Variants in PTPA observed in about 807,000 individuals in gnomAD.
The protein encoded by PTPA is protein phosphatase 2 phosphatase activator, also known as serine/threonine-protein phosphatase 2A activator.
In PTPA, 13 loss-of-function variants were observed where a neutral mutation model predicts 43.6. That is an observed-to-expected ratio of 0.30 (90% CI 0.19 to 0.47). The LOEUF (loss-of-function observed/expected upper bound fraction) is 0.47, where lower values mean the gene tolerates loss of function less well. PTPA is among the 20% of genes least tolerant of loss of function. The probability of loss-of-function intolerance (pLI) is 0.99; values close to 1 mark genes in which losing one functional copy is unlikely to be tolerated. For missense variants in PTPA, 329 were observed against 411.9 expected, an observed-to-expected ratio of 0.80 and a Z score of 1.74; for synonymous variants, 172 against 158.2, an observed-to-expected ratio of 1.09 and a Z score of -0.66.
At chr9:129,128,798 G>GGAAA (rs1564191425) in intron 3 of PTPA, among the ~76,000 whole-genome samples, 187 bp from the exon 4 acceptor site, 1 of 152,134 alleles carries the variant, frequency 6.6e-6, no homozygotes, top group Non-Finnish European at 1.5e-5. Context: ...TTCCCTCTCT[G>GGAAA]GAAAGCCTAT....
At position 129,147,370 on chromosome 9, in the gene PTPA, CTG is replaced by C; in HGVS notation, c.895-16_895-15del. On this transcript the variant is annotated splice_polypyrimidine_tract_variant and intron_variant, in intron 9 of 9. Transcript: ENST00000393370. ...GTGTGGCCCTCACCACTCTGCTCAC[CTG>C]CTCCTTCCTCACAGTGCCTGGAGAA... The C allele has an allele frequency of 6.2e-7, 1 of 1,613,438 alleles. No individual in the cohort carries two copies. Among genetic ancestry groups the C allele is most frequent in the Non-Finnish European group, 8.5e-7 (1 of 1,179,524 alleles).
intron 3 of PTPA, among the ~76,000 whole-genome samples, chr9:129,123,471 CAA>C (rs746317993): frequency 7.3e-6 from 1 of 137,426 alleles, no homozygotes; most frequent in Non-Finnish European, 1.6e-5. Context: ...GACTCTGTCT[CAA>C]AAAAAAAAAA....
chr9:129,125,811 T>C (rs769208949), intron 3 of PTPA, among the ~76,000 whole-genome samples: 6 of 152,176 alleles, frequency 3.9e-5, no homozygotes, highest in Non-Finnish European at 7.3e-5. Context: ...TTGTTACCAT[T>C]AGGCATTAGT....
At chr9:129,140,899 G>C (rs1259080934) in intron 8 of PTPA, among the ~76,000 whole-genome samples, 2 of 152,130 alleles carry the variant, frequency 1.3e-5, no homozygotes, top group Non-Finnish European at 1.5e-5. Flanking sequence ...CGGGGTGCCT[G>C]GCTGCCCTCC....
intron 6 of PTPA, among the ~76,000 whole-genome samples, chr9:129,135,103 T>C (rs1188606144): frequency 6.6e-6 from 1 of 152,136 alleles, no homozygotes. Context: ...AGTGAAAGAA[T>C]TGTCACATAG....
intron 1 of PTPA, among the ~76,000 whole-genome samples, chr9:129,114,066 T>C (rs919263693): frequency 6.6e-6 from 1 of 152,074 alleles, no homozygotes; most frequent in Non-Finnish European, 1.5e-5. Flanking sequence ...TTTCACTTTG[T>C]CTCCCAGGCC....
intron 3 of PTPA, among the ~76,000 whole-genome samples, chr9:129,124,723 T>C (rs940106734): frequency 6.6e-6 from 1 of 152,198 alleles, no homozygotes; most frequent in African/African-American, 2.4e-5. Flanking sequence ...GAGTCTCTTA[T>C]CTCAGACACC....
At chr9:129,131,171 T>G (rs1270282322) in intron 4 of PTPA, among the ~76,000 whole-genome samples, 1 of 152,174 alleles carries the variant, frequency 6.6e-6, no homozygotes, top group African/African-American at 2.4e-5. Flanking sequence ...GACCTGAGAG[T>G]GTGAAGGAAG....
rs1851054350 is a variant in PTPA, at chr9:129,143,500, G to A, written c.894+948G>A. The A allele has an allele frequency of 8.6e-6, 6 of 698,728 alleles. No individual in the cohort carries two copies. In the Admixed American group the frequency reaches 1.2e-4, roughly 14 times the overall value. 43.3% of individuals were successfully genotyped at this position (698,728 alleles called of 1,614,324 possible). A position where few individuals can be genotyped will look rare whatever the true frequency, so the allele number is the denominator to read the frequency against. ...TCTTCATTGGACCCAGAGCTTCCTG[G>A]ATCCCATCAGCAGAGGCGGGACAAC... is the stretch of plus-strand genomic sequence containing the variant. On this transcript the variant is annotated intron_variant, in intron 9 of 9. Coordinates refer to ENST00000393370, the MANE Select transcript of PTPA (RefSeq NM_178000.3).
intron 3 of PTPA, among the ~76,000 whole-genome samples, chr9:129,126,336 A>G (rs930900947): frequency 4.0e-5 from 6 of 151,828 alleles, no homozygotes; most frequent in East Asian, 1.9e-4. Context: ...ATGTGCCACC[A>G]TGTCCATCTG....
At chr9:129,128,745 G>A (rs1849751352) in intron 3 of PTPA, among the ~76,000 whole-genome samples, 1 of 152,128 alleles carries the variant, frequency 6.6e-6, no homozygotes, top group South Asian at 2.1e-4. Flanking sequence ...ACAGAAACCA[G>A]GTGCTAAAGC....
At position 129,147,410 on chromosome 9, in the gene PTPA, C is replaced by G. The variant is rs779281202; in HGVS notation, c.918C>G (p.Ile306Met). ...KAECLEKFPV[I>M]QHFKFGSLLP... The stretch of plus-strand genomic sequence containing the variant: ...AGTGCCTGGAGAAGTTCCCTGTGAT[C>G]CAGCACTTCAAGTTCGGGAGCCTGC... Residue 306 changes from isoleucine to methionine, a missense_variant, in exon 10 of 10, where the codon ATC becomes ATG. Coordinates refer to ENST00000393370, the MANE Select transcript of PTPA (RefSeq NM_178000.3). 1.2e-6 allele frequency: 2 copies of G among 1,614,036 alleles called. No homozygotes were observed. Among genetic ancestry groups the G allele is most frequent in the South Asian group, 1.1e-5 (1 of 91,080 alleles).
At chr9:129,132,800 T>C (rs1374320298) in intron 5 of PTPA, among the ~76,000 whole-genome samples, 1 of 152,126 alleles carries the variant, frequency 6.6e-6, no homozygotes, top group Non-Finnish European at 1.5e-5. Context: ...GCCCAGCTGA[T>C]TGTTTTGTAT....
In PTPA at chr9:129,131,588, G is replaced by T; in HGVS notation, c.409G>T (p.Val137Phe). 3 of 1,614,174 alleles carry T rather than the reference G, an allele frequency of 1.9e-6. No homozygotes were observed. In the South Asian group the frequency reaches 3.3e-5, roughly 18 times the overall value. Residue 137 changes from valine to phenylalanine, a missense_variant, in exon 5 of 10, where the codon GTT (valine) becomes TTT (phenylalanine). By Grantham distance (50) the Val-to-Phe change is conservative. Coordinates refer to ENST00000393370, the MANE Select transcript of PTPA (RefSeq NM_178000.3). ...HLAAAVPEVA[V>F]YLKESVGNST... ...GGCAGCTGCTGTGCCTGAGGTGGCT[G>T]TTTACCTAAAGGAGTCAGTGGGGAA... is the stretch of plus-strand genomic sequence containing the variant.
At chr9:129,134,636 G>T (rs777094442) in intron 5 of PTPA, among the ~76,000 whole-genome samples, 159 bp from the exon 6 acceptor site, 3 of 152,092 alleles carry the variant, frequency 2.0e-5, no homozygotes, top group African/African-American at 7.2e-5. Context: ...AAAGGAAAGG[G>T]CCTAGCAAGT....
In PTPA at chr9:129,147,293, G is replaced by A. The variant is rs1488556435; in HGVS notation, c.895-94G>A. ...CCTGGCGGGGCTACTTCCTGGGCCC[G>A]GGATGGACACCTGGGAGCTGCTGCG... On this transcript the variant is annotated intron_variant, in intron 9 of 9. Coordinates refer to ENST00000393370, the MANE Select transcript of PTPA (RefSeq NM_178000.3). 28 of 1,300,894 alleles carry A rather than the reference G, an allele frequency of 2.2e-5. No homozygotes were observed. In the Admixed American group the frequency reaches 2.6e-4, roughly 12 times the overall value. 80.6% of individuals were successfully genotyped at this position (1,300,894 alleles called of 1,614,324 possible). A position where few individuals can be genotyped will look rare whatever the true frequency, so the allele number is the denominator to read the frequency against.
chr9:129,111,148 G>C, upstream of PTPA: 1 of 1,259,600 alleles, frequency 7.9e-7, no homozygotes, highest in Non-Finnish European at 1.1e-6. Context: ...TTGGGTTAGG[G>C]TCAGTACCAC....
At position 129,127,022 on chromosome 9, in the gene PTPA, G is replaced by A. The variant is rs538136067; in HGVS notation, c.217-1963G>A. Among the ~76,000 whole-genome samples, 23 of 152,248 alleles carry A rather than the reference G, an allele frequency of 1.5e-4. No individual in the cohort carries two copies. The South Asian group carries it at 2.9e-3, about 19-fold the overall frequency. ...CCATCCATTGTAAGCCCCCGTTTCT[G>A]CATGGGTTAGGTCTGGCCTGTGCTT... On this transcript the variant is annotated intron_variant, in intron 3 of 9. Coordinates refer to ENST00000393370, the MANE Select transcript of PTPA (RefSeq NM_178000.3).
At chr9:129,138,352 C>T (rs1327099736) in intron 8 of PTPA, among the ~76,000 whole-genome samples, 1 of 152,184 alleles carries the variant, frequency 6.6e-6, no homozygotes, top group Non-Finnish European at 1.5e-5. Context: ...TTAAAACGCA[C>T]ATTCCTGGGC....
Sources: allele counts gnomAD v4.1 joint callset (sites outside exome capture counted in the v4.1 genomes callset), GRCh38; gene constraint gnomAD v4.1.1; transcripts MANE v1.5; gene names NCBI Gene and HGNC (gene_info 2026-07-23, HGNC 2026-07-21).